Variants in RYR2 observed in about 807,000 individuals in gnomAD.
RYR2 encodes cardiac muscle ryanodine receptor-calcium release channel.
Under a neutral mutation model 601.1 loss-of-function variants are expected in RYR2, and 227 were observed. The observed-to-expected ratio is 0.38, with a 90% confidence interval of 0.34 to 0.42. The LOEUF (loss-of-function observed/expected upper bound fraction) is 0.42. Among genes scored for constraint, RYR2 ranks in the 10% least tolerant of loss-of-function variants. The pLI is 1.00. For synonymous variants in RYR2, 2,223 were observed against 2,175.1 expected, an observed-to-expected ratio of 1.02 and a Z score of -0.61; for missense variants, 4,646 against 6,156.5, an observed-to-expected ratio of 0.75 and a Z score of 8.21.
intron 1 of RYR2, among the ~76,000 whole-genome samples, chr1:237,130,843 T>G (rs1295369222): frequency 2.6e-5 from 4 of 152,200 alleles, no homozygotes; most frequent in Non-Finnish European, 5.9e-5. Flanking sequence ...TATGATCAAT[T>G]TTTTTAGATA....
At chr1:237,370,477 T>G (rs75300695) in intron 6 of RYR2, among the ~76,000 whole-genome samples, 1 of 152,138 alleles carries the variant, frequency 6.6e-6, no homozygotes, top group African/African-American at 2.4e-5. Context: ...ATAAAGATTT[T>G]CATTCTCATT....
chr1:237,719,950 G>A (rs1415376484), intron 73 of RYR2, among the ~76,000 whole-genome samples: 1 of 152,206 alleles, frequency 6.6e-6, no homozygotes, highest in Non-Finnish European at 1.5e-5. Flanking sequence ...GCAGCAATAG[G>A]AATAAGTGAG....
At chr1:237,047,501 G>A (rs1017551093) in intron 1 of RYR2, among the ~76,000 whole-genome samples, 1 of 149,306 alleles carries the variant, frequency 6.7e-6, no homozygotes, top group East Asian at 2.0e-4. Context: ...ACCTTATTTG[G>A]TTGCTCCCCT....
intron 52 of RYR2, among the ~76,000 whole-genome samples, chr1:237,655,525 CTT>C (rs1683160854): frequency 6.6e-6 from 1 of 152,164 alleles, no homozygotes; most frequent in Admixed American, 6.5e-5. Flanking sequence ...ATGTTTATCT[CTT>C]AACAATATTT....
At chr1:237,650,276 G>A (rs964951661) in intron 50 of RYR2, among the ~76,000 whole-genome samples, 179 bp downstream of exon 50, 3 of 152,258 alleles carry the variant, frequency 2.0e-5, no homozygotes, top group African/African-American at 7.2e-5. Flanking sequence ...TCCCAGTCAA[G>A]TTCCAGAGTG....
At chr1:237,826,782 A>AT (rs1305066196) in intron 101 of RYR2, among the ~76,000 whole-genome samples, 12 of 152,294 alleles carry the variant, frequency 7.9e-5, no homozygotes, top group African/African-American at 2.9e-4. Context: ...TAATTTTACC[A>AT]TTTCACCAAC....
chr1:237,521,623 G>A (rs1321992768), intron 24 of RYR2, among the ~76,000 whole-genome samples: 1 of 152,002 alleles, frequency 6.6e-6, no homozygotes, highest in African/African-American at 2.4e-5. Flanking sequence ...GGGAGGCTGA[G>A]GCAGGAGAAT....
intron 1 of RYR2, among the ~76,000 whole-genome samples, chr1:237,065,728 A>G (rs931596843): frequency 6.6e-6 from 1 of 152,196 alleles, no homozygotes; most frequent in Non-Finnish European, 1.5e-5. Context: ...CTGTAAAGAA[A>G]TATCTGAGAC....
rs189176559 is a variant in RYR2 at position 237,304,787 on chromosome 1, C to T, written c.169-26091C>T. Among the ~76,000 whole-genome samples, 69 of 152,174 alleles carry T rather than the reference C, an allele frequency of 4.5e-4. No individual in the cohort carries two copies. The South Asian group carries it at 6.8e-3, about 15-fold the overall frequency. On this transcript the variant is annotated intron_variant, in intron 2 of 104. Coordinates refer to ENST00000366574, the MANE Select transcript of RYR2 (RefSeq NM_001035.3). Reference sequence around the variant, plus strand: ...ACTACAGACTGTCTAAGGAAAACTCCGTTTTATTATTTGGTTTGTTACTTA... The same window carrying T: ...ACTACAGACTGTCTAAGGAAAACTCTGTTTTATTATTTGGTTTGTTACTTA...
At chr1:237,588,493 C>T (rs905323591) in intron 29 of RYR2, among the ~76,000 whole-genome samples, 5 of 152,216 alleles carry the variant, frequency 3.3e-5, no homozygotes, top group Middle Eastern at 3.4e-3. Context: ...CCAATACTGA[C>T]GTTTTTAGTG....
chr1:237,502,234 A>G (rs987418049), intron 21 of RYR2, among the ~76,000 whole-genome samples: 8 of 152,238 alleles, frequency 5.3e-5, no homozygotes, highest in African/African-American at 1.9e-4. Context: ...GGAAATATAT[A>G]TCATTTAACT....
intron 71 of RYR2, among the ~76,000 whole-genome samples, chr1:237,714,809 T>C (rs1438317550): frequency 2.6e-5 from 4 of 151,092 alleles, no homozygotes; most frequent in African/African-American, 7.3e-5. Context: ...GCCAAGATGG[T>C]GAAACCCCAT....
intron 1 of RYR2, among the ~76,000 whole-genome samples, chr1:237,264,741 G>A (rs771285085): frequency 2.2e-4 from 33 of 151,364 alleles, no homozygotes; most frequent in Admixed American, 1.3e-3. Context: ...TGTCACCCAG[G>A]ATGGAGTGTA....
At chr1:237,245,477 G>A (rs144511858) in intron 1 of RYR2, among the ~76,000 whole-genome samples, 17 of 152,246 alleles carry the variant, frequency 1.1e-4, no homozygotes, top group South Asian at 6.2e-4. Context: ...GTGAGAACGC[G>A]TAGGGAAATG....
intron 17 of RYR2, among the ~76,000 whole-genome samples, chr1:237,488,495 C>T (rs894398964): frequency 6.6e-6 from 1 of 152,162 alleles, no homozygotes; most frequent in Admixed American, 6.5e-5. Context: ...ATCACCTCCC[C>T]AAGGGGAACA....
chr1:237,107,316 T>G (rs949977076), intron 1 of RYR2, among the ~76,000 whole-genome samples: 1 of 151,256 alleles, frequency 6.6e-6, no homozygotes. Flanking sequence ...GGTCAGGAGA[T>G]CGAGACCATC....
At chr1:237,143,719 C>G (rs768529370) in intron 1 of RYR2, among the ~76,000 whole-genome samples, 3 of 152,090 alleles carry the variant, frequency 2.0e-5, no homozygotes, top group Non-Finnish European at 2.9e-5. Context: ...TTTTAGGGCC[C>G]GTGCCTTGGG....
chr1:237,750,723 AAC>A, intron 80 of RYR2, among the ~76,000 whole-genome samples: 1 of 152,286 alleles, frequency 6.6e-6, no homozygotes, highest in South Asian at 2.1e-4. Flanking sequence ...CAATTCAGTT[AAC>A]ACCATTTTTT....
chr1:237,135,892 C>G (rs545104029), intron 1 of RYR2, among the ~76,000 whole-genome samples: 1 of 152,316 alleles, frequency 6.6e-6, no homozygotes, highest in East Asian at 1.9e-4. Flanking sequence ...GTGGTGTGTG[C>G]AGGGGCATTA....
Sources: allele counts gnomAD v4.1 joint callset (sites outside exome capture counted in the v4.1 genomes callset), GRCh38; gene constraint gnomAD v4.1.1; transcripts MANE v1.5; gene names NCBI Gene and HGNC (gene_info 2026-07-23, HGNC 2026-07-21).